The following KCNMA1 variants were observed in gnomAD, a reference collection of about 807,000 sequenced individuals.
KCNMA1 encodes the protein Calcium-activated potassium channel subunit alpha-1.
KCNMA1 carries 29 observed loss-of-function variants against 140.0 expected under a neutral mutation model. That is an observed-to-expected ratio of 0.21 (90% CI 0.15 to 0.28). The LOEUF is 0.28. KCNMA1 is among the 10% of genes least tolerant of loss of function. The pLI is 1.00. For missense variants in KCNMA1, 880 were observed against 1,602.2 expected, an observed-to-expected ratio of 0.55 and a Z score of 7.70; for synonymous variants, 612 against 611.9, an observed-to-expected ratio of 1.00 and a Z score of 0.00.
chr10:77,161,599 G>T lies in KCNMA1; in HGVS notation c.808+21822C>A, dbSNP rs535025913. ...CAGCCAGATATTTCATCTGAGAAAA[G>T]TCAGGCACACTAGGTTCCATCATTC... is the stretch of plus-strand genomic sequence containing the variant. On this transcript the variant is annotated intron_variant, in intron 5 of 27. Transcript: ENST00000286628. 3.3e-5 allele frequency among the ~76,000 whole-genome samples: 5 copies of T among 152,284 alleles called. No individual in the cohort carries two copies. The South Asian group carries it at 1.0e-3, about 32-fold the overall frequency.
At chr10:77,594,473 G>A (rs938790864) in intron 1 of KCNMA1, among the ~76,000 whole-genome samples, 2 of 152,014 alleles carry the variant, frequency 1.3e-5, no homozygotes, top group Admixed American at 6.6e-5. Context: ...TTCAAACCCC[G>A]TCTCCCTACC....
At chr10:77,409,900 C>G (rs1448302615) in intron 1 of KCNMA1, among the ~76,000 whole-genome samples, 3 of 152,206 alleles carry the variant, frequency 2.0e-5, no homozygotes, top group Non-Finnish European at 4.4e-5. Context: ...TCCATATTCT[C>G]TTCTATGAAC....
chr10:77,022,920 A>C (rs2093021187), intron 16 of KCNMA1: 1 of 455,156 alleles, frequency 2.2e-6, no homozygotes, highest in East Asian at 7.0e-5. Flanking sequence ...ATATCCCAAT[A>C]TGTAAACAGC....
rs775014168 is a variant in KCNMA1 at position 76,891,481 on chromosome 10, T to C, written c.3342+44A>G. The C allele has an allele frequency of 3.3e-6, 5 of 1,531,970 alleles. No individual in the cohort carries two copies. In the African/African-American group the frequency reaches 4.1e-5, roughly 13 times the overall value. The allele number at this position is 1,531,970 out of a possible 1,614,324, so 94.9% of individuals were successfully genotyped here. A position where few individuals can be genotyped will look rare whatever the true frequency, so the allele number is the denominator to read the frequency against. ...TACCACGTTCTTCAGGATCAAGCTT[T>C]TCCCAAACAGCAAGCTCAGGTGACC... On this transcript the variant is annotated intron_variant, in intron 26 of 27. Transcript: ENST00000286628.
chr10:77,057,690 G>T (rs1355321478), intron 14 of KCNMA1, among the ~76,000 whole-genome samples: 1 of 151,806 alleles, frequency 6.6e-6, no homozygotes, highest in Non-Finnish European at 1.5e-5. Context: ...GACTTAAAAA[G>T]TTAAGTATGT....
At chr10:77,060,954 C>T (rs951236150) in intron 14 of KCNMA1, among the ~76,000 whole-genome samples, 2 of 152,122 alleles carry the variant, frequency 1.3e-5, no homozygotes, top group Non-Finnish European at 2.9e-5. Context: ...AGCCCCGCCA[C>T]CATGTTGACT....
At chr10:77,120,912 T>G in intron 6 of KCNMA1, 61 bp downstream of exon 6, 3 of 895,650 alleles carry the variant, frequency 3.3e-6, no homozygotes, top group Non-Finnish European at 3.8e-6. Context: ...CAAGCACACC[T>G]GATATTTGCA....
intron 3 of KCNMA1, among the ~76,000 whole-genome samples, chr10:77,198,574 T>G (rs2041440307): frequency 1.4e-5 from 2 of 142,312 alleles, no homozygotes; most frequent in African/African-American, 2.7e-5. Flanking sequence ...ATGTGATATA[T>G]ATATATATAT....
intron 19 of KCNMA1, among the ~76,000 whole-genome samples, chr10:76,979,286 G>T (rs2078670690): frequency 6.6e-6 from 1 of 152,178 alleles, no homozygotes; most frequent in Admixed American, 6.5e-5. Flanking sequence ...GCTGCCTCAG[G>T]AATCTGAGAT....
rs572827902 is a variant in KCNMA1, at chr10:77,637,505, A to AGAG, written c.135_137dup (p.Ser60dup). The AGAG allele has an allele frequency of 3.7e-3, 5,879 of 1,572,876 alleles. 23 individuals carry two copies. The highest frequency in any genetic ancestry group is 0.035 in the East Asian group (1,531 of 43,314). ...AGGAGGAGGAAGAAGAAGAAGAGGA[A>AGAG]GAGGAGGAGGAGGAGGAGGAGGACG... is the stretch of plus-strand genomic sequence containing the variant. On this transcript the variant is annotated inframe_insertion, in exon 1 of 28. Transcript: ENST00000286628.
chr10:77,282,033 C>CTTTG (rs1175345930), intron 2 of KCNMA1, among the ~76,000 whole-genome samples: 5 of 152,130 alleles, frequency 3.3e-5, no homozygotes, highest in Non-Finnish European at 5.9e-5. Context: ...CATTTTCATG[C>CTTTG]TTTGTTTTTC....
At chr10:77,220,127 T>C (rs2049116431) in intron 3 of KCNMA1, among the ~76,000 whole-genome samples, 1 of 152,228 alleles carries the variant, frequency 6.6e-6, no homozygotes, top group African/African-American at 2.4e-5. Flanking sequence ...AACACCCTTT[T>C]TGTGTTACTA....
chr10:77,611,651 C>A (rs554153279), intron 1 of KCNMA1, among the ~76,000 whole-genome samples: 2 of 152,094 alleles, frequency 1.3e-5, no homozygotes, highest in East Asian at 3.9e-4. Flanking sequence ...TTTTTCCAAG[C>A]TTCTCTGCTG....
chr10:77,254,402 T>C (rs963316298), intron 2 of KCNMA1, among the ~76,000 whole-genome samples: 2 of 152,006 alleles, frequency 1.3e-5, no homozygotes, highest in Admixed American at 1.3e-4. Flanking sequence ...TTTGTATTTT[T>C]AGTAGAGAGG....
At chr10:77,446,570 G>A (rs148848204) in intron 1 of KCNMA1, among the ~76,000 whole-genome samples, 1 of 152,350 alleles carries the variant, frequency 6.6e-6, no homozygotes, top group East Asian at 1.9e-4. Context: ...GCTGAGCCTT[G>A]AAAATCCATA....
intron 3 of KCNMA1, among the ~76,000 whole-genome samples, chr10:77,239,951 T>C (rs2056825161): frequency 6.6e-6 from 1 of 152,224 alleles, no homozygotes; most frequent in Admixed American, 6.5e-5. Flanking sequence ...AGAAACTAAA[T>C]CAAGTTTCAT....
At chr10:77,337,983 G>A (rs1446770521) in intron 2 of KCNMA1, among the ~76,000 whole-genome samples, 1 of 152,198 alleles carries the variant, frequency 6.6e-6, no homozygotes, top group Non-Finnish European at 1.5e-5. Context: ...AGAACATGAA[G>A]GACAAGCAAG....
At position 77,090,510 on chromosome 10, in the gene KCNMA1, C is replaced by T; in HGVS notation, c.1224G>A (p.Lys408=). Residue 408 remains lysine (K), a splice_region_variant and synonymous_variant, in exon 10 of 28, where the codon AAG becomes AAA. Transcript: ENST00000286628. ...GGSYSAVSGR[K]HIVVCGHITL... ...TGATGTGTCCGCAGACCACAATGTG[C>T]CTGAACAGGAGAGGCCAGTTAGATC... 2 of 1,608,076 alleles carry T rather than the reference C, an allele frequency of 1.2e-6. No homozygotes were observed. The highest frequency in any genetic ancestry group is 1.7e-6 in the Non-Finnish European group (2 of 1,174,500).
intron 20 of KCNMA1, among the ~76,000 whole-genome samples, chr10:76,957,127 C>CAAAAAAAAAA (rs569115924): frequency 1.4e-5 from 1 of 71,374 alleles, no homozygotes; most frequent in African/African-American, 6.2e-5. Context: ...GACTCTGTCT[C>CAAAAAAAAAA]AAAAAAAAAA....
Sources: gnomAD v4.1 joint callset for allele counts (sites outside exome capture counted in the v4.1 genomes callset) on GRCh38, gnomAD v4.1.1 for gene constraint, MANE v1.5 for transcripts, NCBI Gene and HGNC (gene_info 2026-07-23, HGNC 2026-07-21) for gene names.